Variants in CHN2 observed in about 807,000 individuals in gnomAD.
CHN2 encodes the protein chimerin 2.
CHN2 carries 35 observed loss-of-function variants against 56.3 expected under a neutral mutation model. The ratio of observed to expected loss-of-function variants is 0.62; its 90% CI spans 0.47 to 0.82. CHN2 has a LOEUF of 0.82. Ranked by LOEUF, CHN2 falls within the 40% of genes least tolerant of loss-of-function variation. The pLI, the probability that CHN2 is intolerant of heterozygous loss-of-function variation, is 0.00. For synonymous variants in CHN2, 210 were observed against 212.8 expected (o/e 0.99, Z 0.12); for missense variants, 491 against 580.5 (o/e 0.85, Z 1.58).
intron 6 of CHN2, among the ~76,000 whole-genome samples, chr7:29,449,528 A>G (rs1015713501): frequency 2.6e-5 from 4 of 152,252 alleles, no homozygotes; most frequent in Admixed American, 6.5e-5. Flanking sequence ...AGTGGTCCAG[A>G]CAGGACAGAG....
At chr7:29,349,342 G>A (rs1032072185) in intron 1 of CHN2, among the ~76,000 whole-genome samples, 1 of 152,194 alleles carries the variant, frequency 6.6e-6, no homozygotes, top group African/African-American at 2.4e-5. Flanking sequence ...TGACAATGCT[G>A]TATGTTGGGT....
chr7:29,151,273 C>T (rs1375016489), intron 2 of CHN2, among the ~76,000 whole-genome samples: 4 of 152,156 alleles, frequency 2.6e-5, no homozygotes, highest in African/African-American at 9.7e-5. Flanking sequence ...CTCCTTATGC[C>T]TGGTTTATGT....
intron 1 of CHN2, among the ~76,000 whole-genome samples, chr7:29,247,341 C>T (rs531377598): frequency 4.6e-5 from 7 of 152,298 alleles, no homozygotes; most frequent in Middle Eastern, 3.4e-3. Flanking sequence ...CAGACATTTC[C>T]TCCCTGCCAC....
intron 1 of CHN2, among the ~76,000 whole-genome samples, chr7:29,354,021 ACT>A (rs1257577840): frequency 2.0e-5 from 3 of 152,144 alleles, no homozygotes; most frequent in African/African-American, 7.2e-5. Flanking sequence ...CTTTGTTGTA[ACT>A]CTGTCAGTCT....
intron 1 of CHN2, chr7:29,213,052 A>C (rs1476187880): frequency 6.2e-7 from 1 of 1,608,182 alleles, no homozygotes; most frequent in East Asian, 2.2e-5. Flanking sequence ...GCAGTCCTGC[A>C]TGCAGTTCCA....
chr7:29,187,040 G>A (rs954796430), intron 2 of CHN2, among the ~76,000 whole-genome samples: 8 of 152,148 alleles, frequency 5.3e-5, no homozygotes, highest in Admixed American at 5.2e-4. Flanking sequence ...TGTATACAAA[G>A]TGTTTAGCAT....
chr7:29,296,385 G>A (rs1793163608), intron 1 of CHN2, among the ~76,000 whole-genome samples: 1 of 152,116 alleles, frequency 6.6e-6, no homozygotes. Context: ...ATGCCCAGCC[G>A]TAATCACCTT....
chr7:29,390,523 T>G (rs1801281266), intron 3 of CHN2, among the ~76,000 whole-genome samples: 1 of 152,222 alleles, frequency 6.6e-6, no homozygotes, highest in Non-Finnish European at 1.5e-5. Flanking sequence ...TCCATGTGAC[T>G]GCCTAAATTT....
chr7:29,203,646 A>C (rs10234093), intron 1 of CHN2, among the ~76,000 whole-genome samples: 19,129 of 152,040 alleles, frequency 0.13, 1,666 homozygotes, highest in East Asian at 0.28. Flanking sequence ...CTCCAGTGAG[A>C]ATGTTCTAAC....
intron 2 of CHN2, among the ~76,000 whole-genome samples, chr7:29,163,151 A>G: frequency 6.6e-6 from 1 of 152,122 alleles, no homozygotes; most frequent in East Asian, 1.9e-4. Context: ...TTAAAAAAAG[A>G]TACTCAATTC....
At chr7:29,431,807 A>C (rs1782878727) in intron 6 of CHN2, among the ~76,000 whole-genome samples, 1 of 151,918 alleles carries the variant, frequency 6.6e-6, no homozygotes, top group South Asian at 2.1e-4. Flanking sequence ...CAGTGGCCAC[A>C]CTCCCATCAG....
intron 2 of CHN2, among the ~76,000 whole-genome samples, chr7:29,355,429 ACT>A (rs1396244725): frequency 6.6e-6 from 1 of 151,882 alleles, no homozygotes; most frequent in African/African-American, 2.4e-5. Context: ...ACCAAGGGTG[ACT>A]CTTAGAAACA....
chr7:29,467,333 T>C (rs1785626637), intron 6 of CHN2, among the ~76,000 whole-genome samples: 1 of 152,198 alleles, frequency 6.6e-6, no homozygotes, highest in Admixed American at 6.5e-5. Context: ...TGCCTGTGTT[T>C]GATATGCGTG....
intron 6 of CHN2, among the ~76,000 whole-genome samples, chr7:29,472,416 A>T (rs1378413395): frequency 6.6e-6 from 1 of 152,142 alleles, no homozygotes; most frequent in East Asian, 1.9e-4. Flanking sequence ...GAAAGTGTAG[A>T]TTTCCCACAC....
chr7:29,363,464 A>G (rs752667705), intron 2 of CHN2, among the ~76,000 whole-genome samples: 1 of 152,170 alleles, frequency 6.6e-6, no homozygotes, highest in Non-Finnish European at 1.5e-5. Context: ...TAGCCTGGGC[A>G]ACAGAGCAAG....
intron 12 of CHN2, among the ~76,000 whole-genome samples, chr7:29,510,199 A>AAAC (rs898815958): frequency 6.6e-6 from 1 of 152,124 alleles, no homozygotes; most frequent in Non-Finnish European, 1.5e-5. Flanking sequence ...TTAAAACTGT[A>AAAC]AACATTTATT....
chr7:29,475,998 A>C (rs1256020751), intron 6 of CHN2, among the ~76,000 whole-genome samples: 1 of 152,186 alleles, frequency 6.6e-6, no homozygotes, highest in Non-Finnish European at 1.5e-5. Flanking sequence ...ATGCCATTGG[A>C]TTTTACATTT....
chr7:29,354,512 C>A, intron 1 of CHN2, 113 bp from the exon 2 acceptor site: 1 of 900,496 alleles, frequency 1.1e-6, no homozygotes. Context: ...GAGAGTCCCC[C>A]TGAGACCCGC....
In CHN2 at chr7:29,251,340, C is replaced by G. The variant is rs570901942; in HGVS notation, c.49+56350C>G. 1.4e-4 allele frequency among the ~76,000 whole-genome samples: 21 copies of G among 151,998 alleles called. 1 individual carries two copies. Among genetic ancestry groups the G allele is most frequent in the African/African-American group, 4.8e-4 (20 of 41,450 alleles). On this transcript the variant is annotated intron_variant, in intron 1 of 12. Coordinates refer to ENST00000222792, the MANE Select transcript of CHN2 (RefSeq NM_004067.4). Reference sequence around the variant, plus strand: ...GTGGTGACATGTGCCTGTTGTCCCACCTACTTAGGAGGCTGAGGTGGGAGG... The same window carrying G: ...GTGGTGACATGTGCCTGTTGTCCCAGCTACTTAGGAGGCTGAGGTGGGAGG...
Sources: allele counts gnomAD v4.1 joint callset (sites outside exome capture counted in the v4.1 genomes callset), GRCh38; gene constraint gnomAD v4.1.1; transcripts MANE v1.5; gene names NCBI Gene and HGNC (gene_info 2026-07-23, HGNC 2026-07-21).